Variants in FMN1 observed in about 807,000 individuals in gnomAD.
The protein encoded by FMN1 is formin-1.
A neutral mutation model predicts 132.4 loss-of-function variants in FMN1; 110 were observed. That is an observed-to-expected ratio of 0.83 (90% CI 0.71 to 0.97). The LOEUF (loss-of-function observed/expected upper bound fraction) is 0.97, where lower values mean the gene tolerates loss of function less well. Among genes scored for constraint, FMN1 ranks in the 50% least tolerant of loss-of-function variants. The pLI, the probability that FMN1 is intolerant of heterozygous loss-of-function variation, is 0.00. For missense variants in FMN1, 1,792 were observed against 1,705.3 expected (o/e 1.05, Z -0.90); for synonymous variants, 722 against 651.7 (o/e 1.11, Z -1.64).
intron 17 of FMN1, among the ~76,000 whole-genome samples, chr15:32,824,295 A>G (rs2058311605): frequency 6.6e-6 from 1 of 152,236 alleles, no homozygotes; most frequent in African/African-American, 2.4e-5. Context: ...ACTGGTTTTC[A>G]GAGGCTCAGA....
intron 4 of FMN1, among the ~76,000 whole-genome samples, chr15:33,138,953 C>T (rs1963887775): frequency 8.6e-6 from 1 of 116,776 alleles, no homozygotes; most frequent in African/African-American, 2.7e-5. Flanking sequence ...TTCGTCTAAT[C>T]TCTTCTGGTG....
At chr15:32,908,243 G>C (rs558009765) in intron 12 of FMN1, 2 of 383,050 alleles carry the variant, frequency 5.2e-6, no homozygotes, top group Middle Eastern at 7.2e-4. Flanking sequence ...CAAGTTGCTA[G>C]AAAAAGAAAG....
At chr15:33,111,000 G>C (rs2039680476) in intron 4 of FMN1, among the ~76,000 whole-genome samples, 1 of 152,074 alleles carries the variant, frequency 6.6e-6, no homozygotes, top group African/African-American at 2.4e-5. Flanking sequence ...ATGTGAAAAA[G>C]TGCTATGGAA....
intron 9 of FMN1, among the ~76,000 whole-genome samples, chr15:32,945,151 T>C (rs2140461845): frequency 6.6e-6 from 1 of 152,306 alleles, no homozygotes; most frequent in South Asian, 2.1e-4. Context: ...CATGGACATT[T>C]TGAGGGGTGA....
At chr15:33,178,809 C>A (rs1202476406) in intron 3 of FMN1, among the ~76,000 whole-genome samples, 1 of 152,160 alleles carries the variant, frequency 6.6e-6, no homozygotes, top group Non-Finnish European at 1.5e-5. Context: ...AGAATAGAAT[C>A]CCAATACACC....
intron 17 of FMN1, among the ~76,000 whole-genome samples, chr15:32,850,225 C>T (rs2058977982): frequency 6.6e-6 from 1 of 151,688 alleles, no homozygotes; most frequent in African/African-American, 2.4e-5. Flanking sequence ...ACTGACCTTT[C>T]CTGATCTCTG....
intron 3 of FMN1, among the ~76,000 whole-genome samples, chr15:33,158,007 A>AAG (rs1555410149): frequency 2.7e-4 from 41 of 150,214 alleles, no homozygotes; most frequent in Non-Finnish European, 5.0e-4. Flanking sequence ...AAAAAAAAAA[A>AAG]AAAGAAAAAG....
intron 19 of FMN1, among the ~76,000 whole-genome samples, chr15:32,790,518 C>G (rs917036518): frequency 6.6e-6 from 1 of 152,140 alleles, no homozygotes; most frequent in Non-Finnish European, 1.5e-5. Context: ...GATTTCTAGA[C>G]TCTACACTCT....
intron 5 of FMN1, among the ~76,000 whole-genome samples, chr15:33,082,238 A>G (rs1006115073): frequency 3.3e-5 from 5 of 151,602 alleles, no homozygotes; most frequent in Admixed American, 3.3e-4. Flanking sequence ...ACGGTCGGCT[A>G]ATTTTTGTGT....
At chr15:32,798,477 C>G (rs2057368830) in intron 19 of FMN1, among the ~76,000 whole-genome samples, 1 of 152,230 alleles carries the variant, frequency 6.6e-6, no homozygotes, top group Non-Finnish European at 1.5e-5. Flanking sequence ...GACAGCAAGG[C>G]TGCCTCATTT....
chr15:33,049,144 G>T (rs909275586), intron 6 of FMN1, among the ~76,000 whole-genome samples: 1 of 152,108 alleles, frequency 6.6e-6, no homozygotes, highest in Non-Finnish European at 1.5e-5. Context: ...CATTTTGTGT[G>T]TCAAAACTTG....
chr15:33,145,589 T>C (rs1262955353), intron 4 of FMN1, among the ~76,000 whole-genome samples: 2 of 151,656 alleles, frequency 1.3e-5, no homozygotes, highest in Non-Finnish European at 2.9e-5. Flanking sequence ...CTATTTTCAG[T>C]GTTGTCCCTC....
At chr15:32,785,218 A>ATT (rs1230723314) in intron 19 of FMN1, among the ~76,000 whole-genome samples, 459 of 39,168 alleles carry the variant, frequency 0.012, 38 homozygotes, top group African/African-American at 0.034. Flanking sequence ...ATATATATAT[A>ATT]TTTTTTTTTT....
At chr15:32,828,748 A>G (rs17816411) in intron 17 of FMN1, among the ~76,000 whole-genome samples, 1,969 of 152,336 alleles carry the variant, frequency 0.013, 16 homozygotes, top group Non-Finnish European at 0.021. Context: ...CTCTTAACCA[A>G]ATCATATTTT....
At chr15:33,064,912 C>T in intron 6 of FMN1, 45 bp downstream of exon 6, 1 of 1,343,198 alleles carries the variant, frequency 7.4e-7, no homozygotes, top group Non-Finnish European at 1.1e-6. Context: ...AAAGCCATTG[C>T]AGGAAGAGAT....
chr15:32,970,975 G>A (rs941637533), intron 7 of FMN1, among the ~76,000 whole-genome samples: 3 of 152,104 alleles, frequency 2.0e-5, no homozygotes, highest in Non-Finnish European at 2.9e-5. Context: ...GGCTAGCTCT[G>A]GACACCGTCT....
intron 7 of FMN1, among the ~76,000 whole-genome samples, chr15:32,969,990 C>T (rs559887243): frequency 6.6e-6 from 1 of 152,214 alleles, no homozygotes; most frequent in Admixed American, 6.5e-5. Flanking sequence ...GAAGAAGCCA[C>T]GATAACTTAC....
chr15:32,994,765 ATT>A (rs11374238), intron 7 of FMN1, among the ~76,000 whole-genome samples: 1 of 151,990 alleles, frequency 6.6e-6, no homozygotes, highest in East Asian at 1.9e-4. Flanking sequence ...ATAAAGCATT[ATT>A]TTAAGGTGGT....
At chr15:33,166,545 T>G (rs947914974) in intron 3 of FMN1, among the ~76,000 whole-genome samples, 2 of 152,190 alleles carry the variant, frequency 1.3e-5, no homozygotes, top group African/African-American at 2.4e-5. Context: ...AGTAGATACC[T>G]TCTAAGAAAA....
Sources: gnomAD v4.1 joint callset for allele counts (sites outside exome capture counted in the v4.1 genomes callset) on GRCh38, gnomAD v4.1.1 for gene constraint, MANE v1.5 for transcripts, NCBI Gene and HGNC (gene_info 2026-07-23, HGNC 2026-07-21) for gene names.